The following TJP2 variants were observed in gnomAD, a reference collection of about 807,000 sequenced individuals.
TJP2 encodes Friedreich ataxia region gene X104 (tight junction protein ZO-2).
TJP2 carries 91 observed loss-of-function variants against 133.1 expected under a neutral mutation model. The ratio of observed to expected loss-of-function variants is 0.68; its 90% CI spans 0.58 to 0.81. TJP2 has a LOEUF of 0.81. Ranked by LOEUF, TJP2 falls within the 40% of genes least tolerant of loss-of-function variation. The pLI, the probability that TJP2 is intolerant of heterozygous loss-of-function variation, is 0.00. For synonymous variants in TJP2, 592 were observed against 583.4 expected, an observed-to-expected ratio of 1.01 and a Z score of -0.21; for missense variants, 1,541 against 1,565.6, an observed-to-expected ratio of 0.98 and a Z score of 0.26.
intron 2 of TJP2, among the ~76,000 whole-genome samples, chr9:69,157,470 G>GTTTT (rs71354319): frequency 6.9e-6 from 1 of 145,286 alleles, no homozygotes; most frequent in Non-Finnish European, 1.5e-5. Flanking sequence ...TGCAGAGTTG[G>GTTTT]TTTTTTTTTT....
chr9:69,240,168 G>C, intron 17 of TJP2, 21 bp downstream of exon 17: 1 of 1,595,176 alleles, frequency 6.3e-7, no homozygotes, highest in Non-Finnish European at 8.6e-7. Context: ...TGTAAATGTA[G>C]TCCCTTTGCT....
At chr9:69,136,972 T>C (rs1175380869) in intron 1 of TJP2, among the ~76,000 whole-genome samples, 2 of 152,180 alleles carry the variant, frequency 1.3e-5, no homozygotes, top group Non-Finnish European at 2.9e-5. Flanking sequence ...GCTTTGTGTG[T>C]GTCATCAGAT....
At chr9:69,121,375 G>A (rs1030891829), upstream of TJP2, 1 of 983,782 alleles carries the variant, frequency 1.0e-6, no homozygotes. Flanking sequence ...GGTGACAGCC[G>A]CCGCCCACCC....
intron 2 of TJP2, among the ~76,000 whole-genome samples, chr9:69,152,824 T>TTTC: frequency 8.6e-6 from 1 of 115,696 alleles, no homozygotes. Context: ...GCTCTTTTTT[T>TTTC]TTTTTTTTTT....
At chr9:69,156,625 G>A (rs891153359) in intron 2 of TJP2, among the ~76,000 whole-genome samples, 2 of 147,602 alleles carry the variant, frequency 1.4e-5, no homozygotes, top group Non-Finnish European at 3.0e-5. Context: ...TCCGCCTTCC[G>A]GGTTCACGCC....
intron 4 of TJP2, among the ~76,000 whole-genome samples, chr9:69,219,140 T>C (rs950392165): frequency 3.3e-5 from 5 of 152,146 alleles, no homozygotes; most frequent in African/African-American, 1.2e-4. Context: ...TGTCTAATTT[T>C]GTATTTTTAG....
At chr9:69,200,769 TC>T (rs1826929988) in intron 1 of TJP2, among the ~76,000 whole-genome samples, 1 of 152,040 alleles carries the variant, frequency 6.6e-6, no homozygotes, top group African/African-American at 2.4e-5. Flanking sequence ...CTTTTCTCTT[TC>T]CTAAATGTAC....
At position 69,174,429 on chromosome 9, in the gene TJP2, C is replaced by T; in HGVS notation, c.57C>T (p.Leu19=). 6.4e-7 allele frequency: 1 copy of T among 1,551,296 alleles called. No homozygotes were observed. ...FPPRRELSGW[L]RAPGMEELIW... ...CCCGGCGGGAGCTGTCAGGTTGGCT[C>T]CGCGTAAGTGCCTCCTTGTGCCGCG... Residue 19 remains leucine (L), a synonymous_variant, in exon 1 of 23, where the codon CTC becomes CTT. Transcript: ENST00000377245.
At chr9:69,161,094 C>A (rs537894356) in intron 2 of TJP2, among the ~76,000 whole-genome samples, 1 of 152,240 alleles carries the variant, frequency 6.6e-6, no homozygotes, top group South Asian at 2.1e-4. Flanking sequence ...GTCACAAAAA[C>A]CAAAGTTAAG....
intron 1 of TJP2, among the ~76,000 whole-genome samples, chr9:69,210,563 GATA>G (rs1339474697): frequency 6.6e-6 from 1 of 152,002 alleles, no homozygotes; most frequent in Non-Finnish European, 1.5e-5. Context: ...ACATAATTTA[GATA>G]ATAATCTTTT....
rs1036633127 is a variant in TJP2, at chr9:69,182,665, CCT to C, written c.60+8236_60+8237del. Among the ~76,000 whole-genome samples, 74 of 152,174 alleles carry C rather than the reference CCT, an allele frequency of 4.9e-4. 1 individual carries two copies. The highest frequency in any genetic ancestry group is 2.8e-3 in the Admixed American group (43 of 15,290). ...TTTTCCTGTAGAAGCAGTGGCACGA[CCT>C]CTGTTACAAGTCTGCTTATTGATAA... On this transcript the variant is annotated intron_variant, in intron 1 of 22. Coordinates refer to ENST00000377245, the MANE Select transcript of TJP2 (RefSeq NM_004817.4).
chr9:69,151,770 A>G (rs1286177030), exon 2 of TJP2: 1 of 1,232,018 alleles, frequency 8.1e-7, no homozygotes, highest in East Asian at 3.2e-5. Flanking sequence ...CCACGTTGCC[A>G]GGTATTTGCT....
In TJP2 at chr9:69,201,669, AGC is replaced by A. The variant is rs577606272; in HGVS notation, c.61-10877_61-10876del. Among the ~76,000 whole-genome samples, 430 of 152,324 alleles carry A rather than the reference AGC, an allele frequency of 2.8e-3. 1 individual carries two copies. Among genetic ancestry groups the A allele is most frequent in the African/African-American group, 9.7e-3 (405 of 41,576 alleles). On this transcript the variant is annotated intron_variant, in intron 1 of 22. Coordinates refer to ENST00000377245, the MANE Select transcript of TJP2 (RefSeq NM_004817.4). ...ATATTTACATACCCATGTTCATGGC[AGC>A]GTTTTTCACTATAGCCAAGAGGTGA...
At chr9:69,207,139 C>T (rs1827493639) in intron 1 of TJP2, among the ~76,000 whole-genome samples, 1 of 152,138 alleles carries the variant, frequency 6.6e-6, no homozygotes, top group African/African-American at 2.4e-5. Context: ...TACACACACA[C>T]ACGCCCCTAA....
In TJP2 at chr9:69,240,154, G is replaced by A. The variant is rs764746166; in HGVS notation, c.2566+7G>A. The A allele has an allele frequency of 3.7e-6, 6 of 1,611,450 alleles. No individual in the cohort carries two copies. The highest frequency in any genetic ancestry group is 5.1e-6 in the Non-Finnish European group (6 of 1,178,364). On this transcript the variant is annotated splice_region_variant and intron_variant, in intron 17 of 22. Coordinates refer to ENST00000377245, the MANE Select transcript of TJP2 (RefSeq NM_004817.4). ...TGTGCACACCTTTTTACAGGTAAGT[G>A]AAATGTAAATGTAGTCCCTTTGCTA...
At chr9:69,149,921 G>C (rs1322143079) in intron 1 of TJP2, among the ~76,000 whole-genome samples, 1 of 152,140 alleles carries the variant, frequency 6.6e-6, no homozygotes, top group Non-Finnish European at 1.5e-5. Context: ...AGGCCAAGGT[G>C]GATGGATCAC....
At chr9:69,197,224 T>C (rs1488671780) in intron 1 of TJP2, among the ~76,000 whole-genome samples, 3 of 152,178 alleles carry the variant, frequency 2.0e-5, no homozygotes, top group African/African-American at 4.8e-5. Flanking sequence ...CCCACAGTGC[T>C]GAGATTACAG....
intron 1 of TJP2, among the ~76,000 whole-genome samples, chr9:69,197,712 A>G (rs1826687726): frequency 6.6e-6 from 1 of 151,780 alleles, no homozygotes; most frequent in Non-Finnish European, 1.5e-5. Context: ...CTAATAGGGT[A>G]GGGATCTTGA....
rs578113669 is a variant in TJP2, at chr9:69,197,059, C to T, written c.61-15489C>T. Among the ~76,000 whole-genome samples, 30 of 152,046 alleles carry T rather than the reference C, an allele frequency of 2.0e-4. No homozygotes were observed. The South Asian group carries it at 6.0e-3, about 31-fold the overall frequency. On this transcript the variant is annotated intron_variant, in intron 1 of 22. Transcript: ENST00000377245. ...TCTGGGTTCACTGCAACCTCCGCCT[C>T]CCCAGTTCAAGTGATTATCCTGCTT...
Sources: gnomAD v4.1 joint callset for allele counts (sites outside exome capture counted in the v4.1 genomes callset) on GRCh38, gnomAD v4.1.1 for gene constraint, MANE v1.5 for transcripts, NCBI Gene and HGNC (gene_info 2026-07-23, HGNC 2026-07-21) for gene names.